Variants in ANKRD6 observed in about 807,000 individuals in gnomAD.
ANKRD6 encodes ankyrin repeat domain 6, also known as ankyrin repeat domain-containing protein 6.
In ANKRD6, 56 loss-of-function variants were observed where a neutral mutation model predicts 82.3. That is an observed-to-expected ratio of 0.68 (90% confidence interval 0.55 to 0.85). The LOEUF (loss-of-function observed/expected upper bound fraction) is 0.85, where lower values mean the gene tolerates loss of function less well. ANKRD6 is among the 40% of genes least tolerant of loss of function. The pLI is 0.00. For synonymous variants in ANKRD6, 347 were observed against 352.1 expected (o/e 0.99, Z 0.16); for missense variants, 852 against 907.6 (o/e 0.94, Z 0.79).
chr6:89,484,346 T>A (rs1280144266), intron 1 of ANKRD6, among the ~76,000 whole-genome samples: 1 of 150,982 alleles, frequency 6.6e-6, no homozygotes, highest in African/African-American at 2.5e-5. Context: ...GTGGGCTTAT[T>A]TTTTTTATAA....
chr6:89,492,599 C>T (rs569618761), intron 1 of ANKRD6, among the ~76,000 whole-genome samples: 1 of 152,314 alleles, frequency 6.6e-6, no homozygotes, highest in South Asian at 2.1e-4. Context: ...CTTCTCACTG[C>T]TTTTTCCTAA....
In ANKRD6 at chr6:89,631,529, T is replaced by A. The variant is rs1160057904; in HGVS notation, c.*525T>A. The A allele has an allele frequency of 6.6e-6, 1 of 152,230 alleles. No homozygotes were observed. The highest frequency in any genetic ancestry group is 1.5e-5 in the Non-Finnish European group (1 of 68,054). 9.4% of individuals were successfully genotyped at this position (152,230 alleles called of 1,614,324 possible). ...AATTCTCCAACTGTTGACATTTTAA[T>A]CACATGAAAAGTTATCAGATTTTTG... On this transcript the variant is annotated 3_prime_UTR_variant, in exon 16 of 16. Transcript: ENST00000339746.
intron 1 of ANKRD6, among the ~76,000 whole-genome samples, chr6:89,510,922 G>C (rs1190696416): frequency 6.6e-6 from 1 of 152,136 alleles, no homozygotes; most frequent in Non-Finnish European, 1.5e-5. Context: ...TGGAGAGCCG[G>C]ATGGTGATGG....
At chr6:89,514,242 G>A (rs1039992656) in intron 1 of ANKRD6, among the ~76,000 whole-genome samples, 1 of 152,132 alleles carries the variant, frequency 6.6e-6, no homozygotes, top group Non-Finnish European at 1.5e-5. Context: ...GCCGGGCATT[G>A]TGGCATGTAC....
At chr6:89,542,642 AAT>A (rs1784574017) in intron 1 of ANKRD6, among the ~76,000 whole-genome samples, 10 of 152,216 alleles carry the variant, frequency 6.6e-5, no homozygotes, top group Admixed American at 3.3e-4. Flanking sequence ...CCAACTGGTT[AAT>A]GAGTATCTAC....
intron 1 of ANKRD6, among the ~76,000 whole-genome samples, chr6:89,527,023 C>A (rs879926152): frequency 2.6e-5 from 4 of 152,206 alleles, no homozygotes; most frequent in Non-Finnish European, 5.9e-5. Flanking sequence ...CAGAAACATC[C>A]TTGCACACAT....
At chr6:89,565,886 T>G (rs796251035) in intron 1 of ANKRD6, among the ~76,000 whole-genome samples, 1 of 152,338 alleles carries the variant, frequency 6.6e-6, no homozygotes, top group African/African-American at 2.4e-5. Context: ...CAGGACTGGA[T>G]TAGACATTTA....
chr6:89,598,827 T>G (rs1796445801), intron 3 of ANKRD6, among the ~76,000 whole-genome samples: 1 of 152,162 alleles, frequency 6.6e-6, no homozygotes, highest in African/African-American at 2.4e-5. Context: ...AACAAATGCT[T>G]TTGGGGCAGC....
chr6:89,611,760 A>T (rs1261638773), intron 5 of ANKRD6, among the ~76,000 whole-genome samples: 1 of 152,258 alleles, frequency 6.6e-6, no homozygotes, highest in Non-Finnish European at 1.5e-5. Flanking sequence ...AACAAGTTAA[A>T]TCTCAGTTGC....
At chr6:89,609,209 C>T (rs1046291947) in intron 5 of ANKRD6, among the ~76,000 whole-genome samples, 5 of 152,204 alleles carry the variant, frequency 3.3e-5, no homozygotes, top group Non-Finnish European at 5.9e-5. Context: ...GTAATATCGC[C>T]GGTAGTGCCT....
chr6:89,500,025 T>C (rs1316524265), intron 1 of ANKRD6, among the ~76,000 whole-genome samples: 4 of 152,244 alleles, frequency 2.6e-5, no homozygotes, highest in African/African-American at 7.2e-5. Context: ...ATTTGTTCAC[T>C]GTCTCTCCAG....
At chr6:89,530,063 G>A (rs1782951847) in intron 1 of ANKRD6, among the ~76,000 whole-genome samples, 2 of 152,106 alleles carry the variant, frequency 1.3e-5, no homozygotes, top group Admixed American at 1.3e-4. Flanking sequence ...AGACCAGCCT[G>A]GGCAATGTGG....
chr6:89,555,064 C>T (rs1325516325), intron 1 of ANKRD6, among the ~76,000 whole-genome samples: 2 of 116,736 alleles, frequency 1.7e-5, no homozygotes, highest in Non-Finnish European at 3.6e-5. Flanking sequence ...TCCTCCCCCC[C>T]TTCTCTTCTC....
At chr6:89,443,550 A>T (rs946365885) in intron 1 of ANKRD6, among the ~76,000 whole-genome samples, 8 of 152,112 alleles carry the variant, frequency 5.3e-5, no homozygotes, top group Non-Finnish European at 1.0e-4. Flanking sequence ...CTGCAGCCTC[A>T]ACCTCTCAGG....
intron 2 of ANKRD6, among the ~76,000 whole-genome samples, chr6:89,591,479 A>G (rs898354546): frequency 2.6e-5 from 4 of 152,166 alleles, no homozygotes; most frequent in Non-Finnish European, 5.9e-5. Flanking sequence ...GGGCATGGAA[A>G]TGGAAATGAG....
At chr6:89,442,041 C>T (rs1322911119) in intron 1 of ANKRD6, among the ~76,000 whole-genome samples, 3 of 151,986 alleles carry the variant, frequency 2.0e-5, no homozygotes, top group African/African-American at 7.2e-5. Context: ...CTCTGTCGCC[C>T]AGGCTGGAGC....
intron 1 of ANKRD6, among the ~76,000 whole-genome samples, chr6:89,456,993 A>T (rs1773580807): frequency 6.6e-6 from 1 of 152,222 alleles, no homozygotes; most frequent in African/African-American, 2.4e-5. Flanking sequence ...AATTGCAGTC[A>T]CATGCCAGGT....
intron 14 of ANKRD6, chr6:89,628,856 A>C (rs1384056315): frequency 6.4e-6 from 3 of 465,684 alleles, no homozygotes; most frequent in Non-Finnish European, 1.2e-5. Flanking sequence ...GTCATGAGGC[A>C]TTCACCCCCT....
At chr6:89,506,116 A>T (rs953805229) in intron 1 of ANKRD6, among the ~76,000 whole-genome samples, 2 of 152,194 alleles carry the variant, frequency 1.3e-5, no homozygotes, top group African/African-American at 4.8e-5. Flanking sequence ...TATAAGATGA[A>T]TAAGTTCTGG....
Sources: gnomAD v4.1 joint callset for allele counts (sites outside exome capture counted in the v4.1 genomes callset) on GRCh38, gnomAD v4.1.1 for gene constraint, MANE v1.5 for transcripts, NCBI Gene and HGNC (gene_info 2026-07-23, HGNC 2026-07-21) for gene names.